PEAK1: variants seen among roughly 807,000 people sequenced by gnomAD.
The protein encoded by PEAK1 is inactive tyrosine-protein kinase PEAK1.
A neutral mutation model predicts 124.7 loss-of-function variants in PEAK1; 54 were observed. That is an observed-to-expected ratio of 0.43 (90% CI 0.35 to 0.54). The LOEUF (loss-of-function observed/expected upper bound fraction) is 0.54. PEAK1 is among the 20% of genes least tolerant of loss of function. The probability of loss-of-function intolerance (pLI) is 0.01; values close to 1 mark genes in which losing one functional copy is unlikely to be tolerated. For synonymous variants in PEAK1, 719 were observed against 760.0 expected, an observed-to-expected ratio of 0.95 and a Z score of 0.89; for missense variants, 2,046 against 2,134.5, an observed-to-expected ratio of 0.96 and a Z score of 0.82.
At chr15:77,294,604 A>C (rs904895466) in intron 2 of PEAK1, among the ~76,000 whole-genome samples, 5 of 152,366 alleles carry the variant, frequency 3.3e-5, no homozygotes, top group African/African-American at 1.2e-4. Context: ...TGAAATGTGT[A>C]AAATGCGATA....
intron 2 of PEAK1, among the ~76,000 whole-genome samples, chr15:77,341,325 C>T (rs985201907): frequency 6.6e-6 from 1 of 151,946 alleles, no homozygotes. Context: ...CATGGTGAAA[C>T]CCTGTCTCTA....
At chr15:77,363,786 AG>A (rs2068052125) in intron 2 of PEAK1, among the ~76,000 whole-genome samples, 1 of 152,238 alleles carries the variant, frequency 6.6e-6, no homozygotes, top group Non-Finnish European at 1.5e-5. Flanking sequence ...GAAAGAAATT[AG>A]TCACAGAAGA....
At chr15:77,158,836 C>T in intron 7 of PEAK1, 140 bp from the exon 8 acceptor site, 1 of 764,266 alleles carries the variant, frequency 1.3e-6, no homozygotes, top group Non-Finnish European at 2.1e-6. Flanking sequence ...CAAGGCAGTA[C>T]TTCATTTAGG....
At chr15:77,371,093 T>C in intron 1 of PEAK1, 1 of 945,168 alleles carries the variant, frequency 1.1e-6, no homozygotes, top group Non-Finnish European at 1.3e-6. Flanking sequence ...CAAATATAAA[T>C]TCTGTGACTT....
Position 77,133,081 on chromosome 15 carries a change from G to C in PEAK1, c.4001C>G (p.Pro1334Arg). Residue 1334 changes from proline (P) to arginine (R), a missense_variant, in exon 9 of 10, where the codon CCA becomes CGA. Transcript: ENST00000682557. This position sits in a 1 kb window ranked among gnomAD's most constrained non-coding sequence, Gnocchi z 4.2. The part of the protein sequence containing the change: ...WSDFRLTSDK[P>R]CCEAGDAVYY... ...AACCGCATCACCTGCCTCACAACAT[G>C]GTTTGTCACTGGTTAGCCTGAAGTC... 20 of 1,614,128 alleles carry C rather than the reference G, an allele frequency of 1.2e-5. No individual in the cohort carries two copies. The highest frequency in any genetic ancestry group is 1.7e-5 in the Non-Finnish European group (20 of 1,180,002).
downstream of PEAK1, chr15:77,104,945 G>A (rs1355644237): frequency 6.6e-6 from 1 of 152,250 alleles, no homozygotes; most frequent in Non-Finnish European, 1.5e-5. Context: ...CACCCTGGAA[G>A]AGGAGCATCT....
chr15:77,368,820 A>G (rs2068443706), intron 1 of PEAK1, among the ~76,000 whole-genome samples: 1 of 152,194 alleles, frequency 6.6e-6, no homozygotes, highest in South Asian at 2.1e-4. Context: ...GCAGGGGACT[A>G]TATGCACTAA....
downstream of PEAK1, chr15:77,104,811 T>C (rs2050730487): frequency 6.6e-6 from 1 of 152,204 alleles, no homozygotes; most frequent in Admixed American, 6.5e-5. Context: ...TGACTTGTTT[T>C]CACAAGGGTA....
At chr15:77,284,302 A>G (rs1342933752) in intron 4 of PEAK1, among the ~76,000 whole-genome samples, 1 of 152,236 alleles carries the variant, frequency 6.6e-6, no homozygotes, top group African/African-American at 2.4e-5. Context: ...CTTATCTCGC[A>G]ACCAAAAATT....
intron 9 of PEAK1, among the ~76,000 whole-genome samples, chr15:77,132,668 A>G (rs2052971396): frequency 6.8e-6 from 1 of 147,304 alleles, no homozygotes; most frequent in Admixed American, 7.0e-5. Context: ...GCATTCCACA[A>G]TGGGCAACAA....
intron 7 of PEAK1, among the ~76,000 whole-genome samples, chr15:77,177,073 G>C (rs1472465160): frequency 2.0e-5 from 3 of 151,982 alleles, no homozygotes; most frequent in African/African-American, 7.3e-5. Flanking sequence ...TCTCTTGCCT[G>C]AGCCTCCCAA....
chr15:77,275,488 C>T (rs190335062), intron 5 of PEAK1, among the ~76,000 whole-genome samples: 58 of 151,998 alleles, frequency 3.8e-4, no homozygotes, highest in African/African-American at 1.3e-3. Flanking sequence ...GAGGCCGAGG[C>T]GGGTGGATCA....
intron 5 of PEAK1, among the ~76,000 whole-genome samples, chr15:77,274,342 C>T (rs35945311): frequency 0.077 from 11,704 of 152,072 alleles, 577 homozygotes; most frequent in Non-Finnish European, 0.1. Flanking sequence ...CCAGACAACC[C>T]ACAGAGTGGG....
chr15:77,124,954 A>G (rs1328397001), intron 9 of PEAK1, among the ~76,000 whole-genome samples: 1 of 152,202 alleles, frequency 6.6e-6, no homozygotes, highest in Non-Finnish European at 1.5e-5. Context: ...TTATCTTTAC[A>G]TCTCTGCATA....
At chr15:77,365,047 C>T (rs1423980336) in intron 2 of PEAK1, 116 bp downstream of exon 2, 1 of 191,794 alleles carries the variant, frequency 5.2e-6, no homozygotes, top group African/African-American at 2.4e-5. Context: ...TATAACTTTC[C>T]TATTAAAACA....
At chr15:77,210,828 C>T (rs761837293) in intron 6 of PEAK1, among the ~76,000 whole-genome samples, 6 of 152,092 alleles carry the variant, frequency 3.9e-5, no homozygotes, top group African/African-American at 1.2e-4. Flanking sequence ...TGCAGTGAAC[C>T]GAGGCTGCAC....
At chr15:77,273,070 G>A (rs370406288) in intron 5 of PEAK1, among the ~76,000 whole-genome samples, 1 of 152,064 alleles carries the variant, frequency 6.6e-6, no homozygotes, top group Non-Finnish European at 1.5e-5. Context: ...ATCCCTTTAT[G>A]TATGATTAAA....
At chr15:77,153,581 T>C (rs867062197) in intron 8 of PEAK1, among the ~76,000 whole-genome samples, 1 of 152,228 alleles carries the variant, frequency 6.6e-6, no homozygotes, top group Non-Finnish European at 1.5e-5. Flanking sequence ...GATGTTAGGG[T>C]GTCAATTTTA....
intron 5 of PEAK1, among the ~76,000 whole-genome samples, chr15:77,275,776 T>G (rs904589412): frequency 6.6e-6 from 1 of 151,670 alleles, no homozygotes; most frequent in African/African-American, 2.4e-5. Context: ...TGTATTTTTT[T>G]AAAGAAAGAA....
Sources: gnomAD v4.1 joint callset for allele counts (sites outside exome capture counted in the v4.1 genomes callset) on GRCh38, gnomAD v4.1.1 for gene constraint, Gnocchi (gnomAD v3.1) non-coding constraint, MANE v1.5 for transcripts, NCBI Gene and HGNC (gene_info 2026-07-23, HGNC 2026-07-21) for gene names.